The following EPHA6 variants were observed in gnomAD, a reference collection of about 807,000 sequenced individuals.
EPHA6 encodes the protein ephrin type-A receptor 6.
Under a neutral mutation model 112.0 loss-of-function variants are expected in EPHA6, and 50 were observed. The observed-to-expected ratio is 0.45, with a 90% CI of 0.36 to 0.56. The LOEUF (loss-of-function observed/expected upper bound fraction) is 0.56. Ranked by LOEUF, EPHA6 falls within the 20% of genes least tolerant of loss-of-function variation. The pLI is 0.00. For synonymous variants in EPHA6, 529 were observed against 490.7 expected (o/e 1.08, Z -1.03); for missense variants, 1,280 against 1,417.4 (o/e 0.90, Z 1.56).
At chr3:97,012,909 A>G (rs899942399) in intron 3 of EPHA6, among the ~76,000 whole-genome samples, 1 of 152,046 alleles carries the variant, frequency 6.6e-6, no homozygotes, top group Non-Finnish European at 1.5e-5. Flanking sequence ...AGTATCTGTT[A>G]GTATATTTGC....
chr3:97,691,587 T>C (rs779322708), intron 14 of EPHA6, among the ~76,000 whole-genome samples: 1 of 152,200 alleles, frequency 6.6e-6, no homozygotes, highest in Non-Finnish European at 1.5e-5. Flanking sequence ...TAAATATACA[T>C]GTATTTGCAT....
chr3:96,990,604 T>G, intron 3 of EPHA6, among the ~76,000 whole-genome samples: 1 of 152,284 alleles, frequency 6.6e-6, no homozygotes, highest in Non-Finnish European at 1.5e-5. Flanking sequence ...CTGATTCTAA[T>G]TAAATATAAT....
At chr3:97,051,679 T>G (rs2045689763) in intron 3 of EPHA6, among the ~76,000 whole-genome samples, 1 of 152,142 alleles carries the variant, frequency 6.6e-6, no homozygotes. Flanking sequence ...TGCAGTAGTT[T>G]TCAGGAGGAA....
At chr3:97,428,942 A>G (rs952089874) in intron 6 of EPHA6, among the ~76,000 whole-genome samples, 3 of 152,020 alleles carry the variant, frequency 2.0e-5, no homozygotes, top group African/African-American at 7.3e-5. Flanking sequence ...TCTCACAGGC[A>G]TCGGGCCTGT....
intron 7 of EPHA6, among the ~76,000 whole-genome samples, chr3:97,467,866 C>A (rs1409065575): frequency 6.6e-6 from 1 of 151,636 alleles, no homozygotes; most frequent in Non-Finnish European, 1.5e-5. Flanking sequence ...ACACAAGAAT[C>A]TCTTAAAATA....
chr3:97,610,066 G>A (rs2093707020), intron 12 of EPHA6, among the ~76,000 whole-genome samples: 1 of 151,408 alleles, frequency 6.6e-6, no homozygotes, highest in Non-Finnish European at 1.5e-5. Context: ...CAATTGATAT[G>A]ATAAAAAAGG....
At chr3:97,636,663 G>C (rs1360790781) in intron 13 of EPHA6, among the ~76,000 whole-genome samples, 1 of 152,044 alleles carries the variant, frequency 6.6e-6, no homozygotes, top group African/African-American at 2.4e-5. Context: ...CATTGTATAA[G>C]AGACTGTGTC....
chr3:97,520,188 C>A (rs145009074), intron 10 of EPHA6, among the ~76,000 whole-genome samples: 4 of 151,990 alleles, frequency 2.6e-5, no homozygotes, highest in African/African-American at 9.7e-5. Context: ...AGGATGGTCT[C>A]GATCTCCTGA....
intron 6 of EPHA6, among the ~76,000 whole-genome samples, chr3:97,437,803 C>A (rs917038180): frequency 6.6e-6 from 1 of 151,892 alleles, no homozygotes; most frequent in African/African-American, 2.4e-5. Context: ...CACCCAGCCT[C>A]AAATTTTCTT....
chr3:97,473,152 A>C (rs1560044880), intron 7 of EPHA6, among the ~76,000 whole-genome samples: 1 of 151,804 alleles, frequency 6.6e-6, no homozygotes, highest in Non-Finnish European at 1.5e-5. Context: ...CCAGTATAAT[A>C]GTGTTTCATT....
At chr3:97,551,841 C>T (rs1317983924) in intron 11 of EPHA6, among the ~76,000 whole-genome samples, 1 of 151,996 alleles carries the variant, frequency 6.6e-6, no homozygotes, top group East Asian at 1.9e-4. Flanking sequence ...GAATACAAGT[C>T]TGGAAAGGAA....
intron 6 of EPHA6, among the ~76,000 whole-genome samples, chr3:97,409,292 A>G (rs2087555157): frequency 6.6e-6 from 1 of 152,118 alleles, no homozygotes. Flanking sequence ...AGAGAGGCCC[A>G]TAGATGGTAA....
intron 3 of EPHA6, among the ~76,000 whole-genome samples, chr3:97,169,995 G>A (rs1191818330): frequency 6.6e-6 from 1 of 152,032 alleles, no homozygotes. Context: ...GAGCACATTA[G>A]GACAAATACC....
chr3:97,144,897 T>C (rs1278799770), intron 3 of EPHA6, among the ~76,000 whole-genome samples: 1 of 151,552 alleles, frequency 6.6e-6, no homozygotes, highest in Non-Finnish European at 1.5e-5. Context: ...TGCACAGTTT[T>C]TGTCCTGAGA....
chr3:96,982,091 T>C (rs1469960731), intron 2 of EPHA6, among the ~76,000 whole-genome samples: 1 of 152,194 alleles, frequency 6.6e-6, no homozygotes, highest in African/African-American at 2.4e-5. Flanking sequence ...TCTTGCCTTC[T>C]GCTAGCTTTT....
chr3:97,451,899 T>C (rs1284361226), intron 7 of EPHA6, among the ~76,000 whole-genome samples: 1 of 151,888 alleles, frequency 6.6e-6, no homozygotes, highest in Non-Finnish European at 1.5e-5. Context: ...AATACATTCA[T>C]AGAGATGAGG....
chr3:96,904,963 A>C (rs181001869), intron 2 of EPHA6, among the ~76,000 whole-genome samples: 9 of 152,268 alleles, frequency 5.9e-5, no homozygotes, highest in African/African-American at 1.7e-4. Flanking sequence ...TACCCATCGT[A>C]TGCATTGAAA....
chr3:96,821,026 A>T (rs1156964041), intron 1 of EPHA6, among the ~76,000 whole-genome samples: 1 of 151,928 alleles, frequency 6.6e-6, no homozygotes, highest in African/African-American at 2.4e-5. Context: ...ACTTTCAATT[A>T]TACTTATCTG....
intron 3 of EPHA6, among the ~76,000 whole-genome samples, chr3:97,103,029 A>G (rs1358072298): frequency 2.0e-5 from 3 of 152,028 alleles, no homozygotes; most frequent in Non-Finnish European, 4.4e-5. Flanking sequence ...TAGATATTAC[A>G]TCTTTGTCAG....
Sources: allele counts gnomAD v4.1 joint callset (sites outside exome capture counted in the v4.1 genomes callset), GRCh38; gene constraint gnomAD v4.1.1; transcripts MANE v1.5; gene names NCBI Gene and HGNC (gene_info 2026-07-23, HGNC 2026-07-21).